The following RPS6KA2 variants were observed in gnomAD, a reference collection of about 807,000 sequenced individuals.
The protein encoded by RPS6KA2 is ribosomal protein S6 kinase A2, also known as ribosomal protein S6 kinase alpha-2.
In RPS6KA2, 42 loss-of-function variants were observed where a neutral mutation model predicts 91.8. The ratio of observed to expected loss-of-function variants is 0.46; its 90% CI spans 0.36 to 0.59. The LOEUF (loss-of-function observed/expected upper bound fraction) is 0.59. RPS6KA2 is among the 20% of genes least tolerant of loss of function. The pLI is 0.00. For synonymous variants in RPS6KA2, 414 were observed against 393.6 expected, an observed-to-expected ratio of 1.05 and a Z score of -0.61; for missense variants, 798 against 978.5, an observed-to-expected ratio of 0.82 and a Z score of 2.46.
intron 11 of RPS6KA2, 38 bp downstream of exon 11, chr6:166,469,803 C>A (rs753088215): frequency 1.4e-5 from 22 of 1,562,496 alleles, no homozygotes; most frequent in Non-Finnish European, 1.9e-5. Context: ...ACTTCTGTGT[C>A]ACGCGTGTGC....
chr6:166,463,825 C>T (rs987258192), intron 11 of RPS6KA2, among the ~76,000 whole-genome samples: 9 of 152,114 alleles, frequency 5.9e-5, no homozygotes, highest in Admixed American at 1.3e-4. Context: ...GGATCGAAAG[C>T]GCCGCAGGAA....
Position 166,419,874 on chromosome 6 carries a change from C to G in RPS6KA2, c.1820+8G>C, listed in dbSNP as rs373527263. 3 of 1,613,008 alleles carry G rather than the reference C, an allele frequency of 1.9e-6. No individual in the cohort carries two copies. Among genetic ancestry groups the G allele is most frequent in the Middle Eastern group, 1.7e-4 (1 of 6,048 alleles). On this transcript the variant is annotated splice_region_variant and intron_variant, in intron 18 of 20. Coordinates refer to ENST00000265678, the MANE Select transcript of RPS6KA2 (RefSeq NM_021135.6). The surrounding 1 kb of genome is among the most constrained non-coding windows in gnomAD (Gnocchi z 5.6). ...TCCTCCTGACACCTGTTTGAGGTGACTGCTTACCCTGCCAGCATGGTGTAC... is the reference window on the plus strand; with the variant it reads ...TCCTCCTGACACCTGTTTGAGGTGAGTGCTTACCCTGCCAGCATGGTGTAC...
At chr6:166,731,865 C>T (rs544197393) in intron 2 of RPS6KA2, among the ~76,000 whole-genome samples, 4 of 152,162 alleles carry the variant, frequency 2.6e-5, no homozygotes, top group South Asian at 2.1e-4. Flanking sequence ...AGGACTCCCC[C>T]GGGGCCATCA....
intron 1 of RPS6KA2, among the ~76,000 whole-genome samples, chr6:166,587,273 T>C (rs1180843149): frequency 6.6e-6 from 1 of 152,192 alleles, no homozygotes; most frequent in African/African-American, 2.4e-5. Context: ...GACACTGGCA[T>C]GGGACAGAGG....
chr6:166,483,087 G>T (rs1452957191), intron 10 of RPS6KA2, among the ~76,000 whole-genome samples: 1 of 152,236 alleles, frequency 6.6e-6, no homozygotes, highest in African/African-American at 2.4e-5. Context: ...AAGACTGCGG[G>T]GAGCCTTTGG....
In RPS6KA2 at chr6:166,711,797, A is replaced by G. The variant is rs1789866249; in HGVS notation, c.123+146403T>C. Among the ~76,000 whole-genome samples the G allele has an allele frequency of 3.3e-5, 5 of 152,050 alleles. No individual in the cohort carries two copies. The South Asian group carries it at 1.0e-3, about 32-fold the overall frequency. ...AGTGAAGAAAGAAAGAGAGAGAGAGAGAGAGACAGAGGAGAAATCCATGAA... is the reference window on the plus strand; with the variant it reads ...AGTGAAGAAAGAAAGAGAGAGAGAGGGAGAGACAGAGGAGAAATCCATGAA... On this transcript the variant is annotated intron_variant, in intron 2 of 21. Coordinates refer to the RPS6KA2 transcript ENST00000503859.
At chr6:166,755,850 G>A (rs1777992111) in intron 2 of RPS6KA2, among the ~76,000 whole-genome samples, 1 of 152,186 alleles carries the variant, frequency 6.6e-6, no homozygotes, top group Non-Finnish European at 1.5e-5. Context: ...GCTGAGCTGG[G>A]TAAGGAGCTG....
chr6:166,552,924 T>C (rs1436204352), intron 1 of RPS6KA2, among the ~76,000 whole-genome samples: 1 of 152,248 alleles, frequency 6.6e-6, no homozygotes, highest in African/African-American at 2.4e-5. Context: ...AGGTGTGCAA[T>C]GGCTCTCTAC....
intron 1 of RPS6KA2, among the ~76,000 whole-genome samples, chr6:166,540,500 G>C (rs1360848828): frequency 6.6e-6 from 1 of 152,140 alleles, no homozygotes; most frequent in Non-Finnish European, 1.5e-5. Context: ...AATTGACTCT[G>C]TTTAATCCAT....
chr6:166,503,319 A>C (rs1336839259), intron 6 of RPS6KA2, among the ~76,000 whole-genome samples: 1 of 152,250 alleles, frequency 6.6e-6, no homozygotes, highest in African/African-American at 2.4e-5. Context: ...TGCATCCTGC[A>C]GTGGATATGG....
At chr6:166,627,795 A>C (rs1332515788), upstream of RPS6KA2, 1 of 152,130 alleles carries the variant, frequency 6.6e-6, no homozygotes, top group East Asian at 1.9e-4. Flanking sequence ...AAACATCCCT[A>C]TGCACACTTT....
rs1030423780 is a variant in RPS6KA2, at chr6:166,412,610, G to A, written c.*152C>T. The A allele has an allele frequency of 1.9e-5, 14 of 743,682 alleles. No homozygotes were observed. The East Asian group carries it at 3.2e-4, about 17-fold the overall frequency. The allele number at this position is 743,682 out of a possible 1,614,324, so 46.1% of individuals were successfully genotyped here. On this transcript the variant is annotated 3_prime_UTR_variant, in exon 21 of 21. Coordinates refer to ENST00000265678, the MANE Select transcript of RPS6KA2 (RefSeq NM_021135.6). The surrounding 1 kb of genome is among the most constrained non-coding windows in gnomAD (Gnocchi z 4.3). ...AAGCCCCCAGGTCAGGACCCTCTCC[G>A]GGGCTGAAAAAGAAAACACGGACAC...
intron 2 of RPS6KA2, among the ~76,000 whole-genome samples, chr6:166,634,459 C>A (rs778532808): frequency 2.6e-5 from 4 of 152,138 alleles, no homozygotes; most frequent in Non-Finnish European, 5.9e-5. Flanking sequence ...AAATCGAAAT[C>A]GAAATCGCTG....
intron 2 of RPS6KA2, among the ~76,000 whole-genome samples, chr6:166,743,968 C>A (rs771418313): frequency 3.3e-5 from 5 of 152,190 alleles, no homozygotes; most frequent in Non-Finnish European, 7.3e-5. Flanking sequence ...CCCTTTTAAT[C>A]CAGCTTCTGG....
chr6:166,590,977 A>G (rs892339309), intron 1 of RPS6KA2, among the ~76,000 whole-genome samples: 2 of 152,222 alleles, frequency 1.3e-5, no homozygotes, highest in Admixed American at 1.3e-4. Flanking sequence ...TGAAGAGTCA[A>G]ATCTGAGCAT....
chr6:166,713,824 G>A (rs1299923644), intron 2 of RPS6KA2, among the ~76,000 whole-genome samples: 1 of 152,212 alleles, frequency 6.6e-6, no homozygotes, highest in Admixed American at 6.5e-5. Context: ...CTGCAGAGAC[G>A]ACTGGGGTCA....
chr6:166,647,783 C>G (rs1464222259), intron 2 of RPS6KA2, among the ~76,000 whole-genome samples: 7 of 151,420 alleles, frequency 4.6e-5, no homozygotes, highest in Non-Finnish European at 8.9e-5. Flanking sequence ...CATACACACA[C>G]ATGCACATGC....
chr6:166,862,356 G>T, exon 1 of RPS6KA2: 1 of 1,431,812 alleles, frequency 7.0e-7, no homozygotes, highest in South Asian at 1.4e-5. Context: ...CGGGGCCTGC[G>T]CCGGCCGGAG....
chr6:166,586,634 T>G (rs1209664215), intron 1 of RPS6KA2, among the ~76,000 whole-genome samples: 1 of 124,532 alleles, frequency 8.0e-6, no homozygotes, highest in African/African-American at 6.4e-5. Context: ...ACCGTGGAAC[T>G]CCAGACCACT....
Sources: allele counts gnomAD v4.1 joint callset (sites outside exome capture counted in the v4.1 genomes callset), GRCh38; gene constraint gnomAD v4.1.1; non-coding constraint Gnocchi (gnomAD v3.1); transcripts MANE v1.5; gene names NCBI Gene and HGNC (gene_info 2026-07-23, HGNC 2026-07-21).